The following EDNRB variants were observed in gnomAD, a reference collection of about 807,000 sequenced individuals.
EDNRB encodes the protein endothelin receptor type B.
In EDNRB, 18 loss-of-function variants were observed where a neutral mutation model predicts 46.4. The observed-to-expected ratio is 0.39, with a 90% CI of 0.27 to 0.57. EDNRB has a LOEUF of 0.57. Among genes scored for constraint, EDNRB ranks in the 20% least tolerant of loss-of-function variants. The pLI is 0.61. For synonymous variants in EDNRB, 213 were observed against 204.9 expected, an observed-to-expected ratio of 1.04 and a Z score of -0.34; for missense variants, 434 against 537.5, an observed-to-expected ratio of 0.81 and a Z score of 1.90.
At position 77,895,754 on chromosome 13, in the gene EDNRB, T is replaced by G. The variant is rs1483172974; in HGVS notation, c.*2446A>C. On this transcript the variant is annotated 3_prime_UTR_variant, in exon 7 of 7. Coordinates refer to ENST00000646607, the MANE Select transcript of EDNRB (RefSeq NM_001122659.3). ...CCAGATATATAATTTTTTACATTGT[T>G]ATATTACACTTTTATAAAGTTAGCT... 6.6e-6 allele frequency: 1 copy of G among 152,044 alleles called. No individual in the cohort carries two copies. Among genetic ancestry groups the G allele is most frequent in the Non-Finnish European group, 1.5e-5 (1 of 67,950 alleles). 9.4% of individuals were successfully genotyped at this position (152,044 alleles called of 1,614,324 possible).
intron 3 of EDNRB, among the ~76,000 whole-genome samples, chr13:77,902,532 A>G (rs11617203): frequency 0.36 from 54,774 of 151,702 alleles, 11,750 homozygotes; most frequent in Non-Finnish European, 0.5. Context: ...ATCCTTAGCC[A>G]CCTGCTCTGA....
intron 1 of EDNRB, among the ~76,000 whole-genome samples, chr13:77,910,476 G>A (rs190406009): frequency 6.6e-6 from 1 of 152,070 alleles, no homozygotes; most frequent in East Asian, 1.9e-4. Context: ...AACTCTTTCT[G>A]TATTAATACA....
chr13:77,971,064 C>T (rs1054447834), intron 1 of EDNRB, among the ~76,000 whole-genome samples: 2 of 152,152 alleles, frequency 1.3e-5, no homozygotes, highest in Non-Finnish European at 2.9e-5. Flanking sequence ...CTCCCATCCA[C>T]GTATAACTCT....
Position 77,896,792 on chromosome 13 carries a change from T to C in EDNRB, c.*1408A>G. 3.1e-6 allele frequency: 4 copies of C among 1,280,172 alleles called. No homozygotes were observed. Among genetic ancestry groups the C allele is most frequent in the Non-Finnish European group, 4.0e-6 (4 of 1,011,844 alleles). 79.3% of individuals were successfully genotyped at this position (1,280,172 alleles called of 1,614,324 possible). On this transcript the variant is annotated 3_prime_UTR_variant, in exon 7 of 7. Transcript: ENST00000646607. ...ACCTCATTTCCTCTCTCTTCCGTTT[T>C]CTCTTGTACATACTTTCACACACAT... is the stretch of plus-strand genomic sequence containing the variant.
At chr13:77,973,094 T>C (rs1363111569) in intron 1 of EDNRB, among the ~76,000 whole-genome samples, 1 of 152,300 alleles carries the variant, frequency 6.6e-6, no homozygotes, top group East Asian at 1.9e-4. Context: ...ATAAGCCAAG[T>C]ATATAATTTT....
chr13:77,966,476 C>G (rs919818946), intron 1 of EDNRB, among the ~76,000 whole-genome samples: 7 of 152,156 alleles, frequency 4.6e-5, no homozygotes, highest in African/African-American at 1.7e-4. Context: ...ATAAATGTGT[C>G]TGTTGAATAA....
chr13:77,943,600 A>G (rs1594388789), intron 1 of EDNRB, among the ~76,000 whole-genome samples: 1 of 152,138 alleles, frequency 6.6e-6, no homozygotes, highest in Admixed American at 6.6e-5. Context: ...GCTGTACTCA[A>G]TAACTTAATG....
intron 1 of EDNRB, among the ~76,000 whole-genome samples, chr13:77,968,871 A>C (rs1214549823): frequency 2.6e-5 from 4 of 152,132 alleles, no homozygotes; most frequent in Non-Finnish European, 5.9e-5. Flanking sequence ...AAATAACATC[A>C]ATTTTTTTCA....
Position 77,898,329 on chromosome 13 carries a change from GC to G in EDNRB, c.1199del (p.Cys400SerfsTer22). 6.2e-7 allele frequency: 1 copy of G among 1,611,770 alleles called. No individual in the cohort carries two copies. The highest frequency in any genetic ancestry group is 8.5e-7 in the Non-Finnish European group (1 of 1,178,630). On this transcript the variant is annotated frameshift_variant, in exon 7 of 7. Coordinates refer to ENST00000646607, the MANE Select transcript of EDNRB (RefSeq NM_001122659.3). LOFTEE classifies it high-confidence loss of function. ...CAAATGACTGGCACCAGCAGCATAA[GC>G]ATGACTGTACAAAACAAAGTAACTC... is the stretch of plus-strand genomic sequence containing the variant. ...SKRFKNCFKSCLCCWCQSFEE... is the reference protein window; with the variant it reads ...SKRFKNCFKSXLCCWCQSFEE...
chr13:77,968,741 GGTGATTTC>G (rs1402018587), intron 1 of EDNRB, among the ~76,000 whole-genome samples: 2 of 152,132 alleles, frequency 1.3e-5, no homozygotes, highest in Non-Finnish European at 2.9e-5. Context: ...GCTGATCATT[GGTGATTTC>G]AAATCATACT....
chr13:77,900,085 A>G (rs1878864335), intron 5 of EDNRB, 118 bp from the exon 6 acceptor site: 1 of 803,726 alleles, frequency 1.2e-6, no homozygotes. Context: ...TTCTAAATTT[A>G]TCACTCGTCT....
At chr13:77,903,757 T>C (rs1344180732) in intron 1 of EDNRB, 150 bp from the exon 2 acceptor site, 1 of 708,620 alleles carries the variant, frequency 1.4e-6, no homozygotes, top group African/African-American at 1.8e-5. Context: ...AAAAGCACCA[T>C]TGTTTGATAT....
intron 1 of EDNRB, among the ~76,000 whole-genome samples, chr13:77,932,541 C>A (rs1026644059): frequency 2.0e-5 from 3 of 152,150 alleles, no homozygotes; most frequent in Admixed American, 6.5e-5. Context: ...TACTGAGGCT[C>A]AGAGAAGCCT....
At chr13:77,950,611 C>T (rs1226836598) in intron 1 of EDNRB, among the ~76,000 whole-genome samples, 1 of 152,186 alleles carries the variant, frequency 6.6e-6, no homozygotes, top group African/African-American at 2.4e-5. Flanking sequence ...ATGCACACAC[C>T]TGCTGCAGGG....
intron 1 of EDNRB, among the ~76,000 whole-genome samples, chr13:77,969,982 G>A (rs912665371): frequency 2.0e-5 from 3 of 151,886 alleles, no homozygotes; most frequent in African/African-American, 7.2e-5. Flanking sequence ...TCCTTGACCT[G>A]TGCAAAATTG....
intron 1 of EDNRB, among the ~76,000 whole-genome samples, chr13:77,962,195 A>C (rs1462159245): frequency 6.6e-6 from 1 of 152,202 alleles, no homozygotes; most frequent in African/African-American, 2.4e-5. Flanking sequence ...GAATTCTACC[A>C]GAGGTACAAG....
At position 77,897,519 on chromosome 13, in the gene EDNRB, T is replaced by C; in HGVS notation, c.*681A>G. On this transcript the variant is annotated 3_prime_UTR_variant, in exon 7 of 7. Transcript: ENST00000646607. ...TCAGCTGGCACATGTGCCAGTCTGT[T>C]ACATGCTGCTTGTTTGTGACATGTT... 2 of 981,440 alleles carry C rather than the reference T, an allele frequency of 2.0e-6. No homozygotes were observed. Among genetic ancestry groups the C allele is most frequent in the Non-Finnish European group, 1.2e-6 (1 of 826,388 alleles). The allele number at this position is 981,440 out of a possible 1,614,324, so 60.8% of individuals were successfully genotyped here.
At chr13:77,975,121 T>C (rs961528646) in intron 1 of EDNRB, among the ~76,000 whole-genome samples, 12 of 151,858 alleles carry the variant, frequency 7.9e-5, no homozygotes, top group Non-Finnish European at 1.6e-4. Flanking sequence ...GCAATCCAAG[T>C]CAAATCAAAA....
chr13:77,901,303 T>TTC, intron 3 of EDNRB, 96 bp from the exon 4 acceptor site: 1 of 1,313,280 alleles, frequency 7.6e-7, no homozygotes, highest in Non-Finnish European at 1.1e-6. Context: ...AGGGAATGAT[T>TTC]ATCTTCTAAA....
Sources: gnomAD v4.1 joint callset for allele counts (sites outside exome capture counted in the v4.1 genomes callset) on GRCh38, gnomAD v4.1.1 for gene constraint, MANE v1.5 for transcripts, NCBI Gene and HGNC (gene_info 2026-07-23, HGNC 2026-07-21) for gene names.